Variants in PCDHGC4 observed in about 807,000 individuals in gnomAD.
PCDHGC4 encodes protocadherin gamma-C4.
A neutral mutation model predicts 59.7 loss-of-function variants in PCDHGC4; 15 were observed. The ratio of observed to expected loss-of-function variants is 0.25; its 90% CI spans 0.17 to 0.39. The LOEUF (loss-of-function observed/expected upper bound fraction) is 0.39. PCDHGC4 is among the 10% of genes least tolerant of loss of function. The probability of loss-of-function intolerance (pLI) is 1.00; values close to 1 mark genes in which losing one functional copy is unlikely to be tolerated. For missense variants in PCDHGC4, 1,016 were observed against 1,189.5 expected (o/e 0.85, Z 2.15); for synonymous variants, 434 against 481.4 (o/e 0.90, Z 1.29).
chr5:141,507,296 C>T (rs1020117646), intron 3 of PCDHGC4: 1 of 141,360 alleles, frequency 7.1e-6, no homozygotes, highest in Non-Finnish European at 1.5e-5. Flanking sequence ...TCAAATGTTG[C>T]ATGAGACATA....
chr5:141,498,093 G>T (rs975304630), intron 2 of PCDHGC4, among the ~76,000 whole-genome samples: 4 of 152,220 alleles, frequency 2.6e-5, no homozygotes, highest in Admixed American at 1.3e-4. Context: ...AATTGTATCT[G>T]GTGGTGTGGG....
Position 141,511,285 on chromosome 5 carries a change from G to C in PCDHGC4, c.*112G>C. On this transcript the variant is annotated 3_prime_UTR_variant, in exon 4 of 4. Coordinates refer to ENST00000306593, the MANE Select transcript of PCDHGC4 (RefSeq NM_018928.3). Reference sequence around the variant, plus strand: ...GGGCTAACCCCCAGAATACTGGTAGGGGCCAAGGCCATGCTCCCCTTGGGA... The same window carrying C: ...GGGCTAACCCCCAGAATACTGGTAGCGGCCAAGGCCATGCTCCCCTTGGGA... 1 of 1,521,904 alleles carries C rather than the reference G, an allele frequency of 6.6e-7. No homozygotes were observed. The highest frequency in any genetic ancestry group is 8.8e-7 in the Non-Finnish European group (1 of 1,131,664). 94.3% of individuals were successfully genotyped at this position (1,521,904 alleles called of 1,614,324 possible).
In PCDHGC4 at chr5:141,494,832, G is replaced by A. The variant is rs758427900; in HGVS notation, c.2468G>A (p.Arg823His). The A allele has an allele frequency of 1.2e-6, 2 of 1,614,066 alleles. No homozygotes were observed. Among genetic ancestry groups the A allele is most frequent in the Non-Finnish European group, 1.7e-6 (2 of 1,179,994 alleles). The change falls in exon 2 of 4, where the codon CGT (arginine) becomes CAT (histidine). Residue 823 changes from arginine (R) to histidine (H), a missense_variant. Transcript: ENST00000306593. ...CAAGCCCCGCCCAACACGGACTGGC[G>A]TTTCTCTCAGGCCCAGAGACCCGGC... ...LEQAPPNTDW[R>H]FSQAQRPGTS...
In PCDHGC4 at chr5:141,491,354, C is replaced by T. The variant is rs2099710960; in HGVS notation, c.2443-3453C>T. The T allele has an allele frequency of 6.2e-7, 1 of 1,614,166 alleles. No homozygotes were observed. Among genetic ancestry groups the T allele is most frequent in the South Asian group, 1.1e-5 (1 of 91,088 alleles). On this transcript the variant is annotated intron_variant, in intron 1 of 3. Coordinates refer to ENST00000306593, the MANE Select transcript of PCDHGC4 (RefSeq NM_018928.3). This position sits in a 1 kb window ranked among gnomAD's most constrained non-coding sequence, Gnocchi z 6.9. ...GCTCTAGCGACCGTCAGTCTCTTAT[C>T]CCTAGTCACCTTCACCTTTCTGTCA...
rs888457230 is a variant in PCDHGC4, at chr5:141,493,727, C to T, written c.2443-1080C>T. On this transcript the variant is annotated intron_variant, in intron 1 of 3. Transcript: ENST00000306593. This position sits in a 1 kb window ranked among gnomAD's most constrained non-coding sequence, Gnocchi z 4.3. ...TGGAATGCTAGGTTTCTGGGTTCTG[C>T]TCATATCACTGCCACCTGTGAGCCT... Among the ~76,000 whole-genome samples, 2 of 152,184 alleles carry T rather than the reference C, an allele frequency of 1.3e-5. No homozygotes were observed. Among genetic ancestry groups the T allele is most frequent in the Admixed American group, 6.5e-5 (1 of 15,280 alleles).
In PCDHGC4 at chr5:141,485,308, A is replaced by G; in HGVS notation, c.135A>G (p.Val45=). Residue 45 remains valine, a synonymous_variant, in exon 1 of 4, where the codon GTA becomes GTG. Coordinates refer to ENST00000306593, the MANE Select transcript of PCDHGC4 (RefSeq NM_018928.3). The surrounding 1 kb of genome is among the most constrained non-coding windows in gnomAD (Gnocchi z 5.7). ...AGGAGTCACAGGAAGGGACTTTTGTAGGGAATGTCGCTCAAGATTTCCTGC... is the reference window on the plus strand; with the variant it reads ...AGGAGTCACAGGAAGGGACTTTTGTGGGGAATGTCGCTCAAGATTTCCTGC... ...VPEESQEGTF[V]GNVAQDFLLD... 6.2e-7 allele frequency: 1 copy of G among 1,614,112 alleles called. No individual in the cohort carries two copies. The highest frequency in any genetic ancestry group is 8.5e-7 in the Non-Finnish European group (1 of 1,179,996).
Position 141,485,718 on chromosome 5 carries a change from T to A in PCDHGC4, c.545T>A (p.Val182Glu), listed in dbSNP as rs562192762. ...TCCAATGAACACTTTGCACTGGATG[T>A]GAAGAAGCGCAGCGACGGCAGCCTG... The part of the protein sequence containing the change: ...LSSNEHFALD[V>E]KKRSDGSLVP... The change falls in exon 1 of 4, where the codon GTG becomes GAG. Residue 182 changes from valine to glutamate, a missense_variant. By Grantham distance (121) the Val-to-Glu change is moderately radical. Coordinates refer to ENST00000306593, the MANE Select transcript of PCDHGC4 (RefSeq NM_018928.3). The surrounding 1 kb of genome is among the most constrained non-coding windows in gnomAD (Gnocchi z 5.7). 1 of 1,614,058 alleles carries A rather than the reference T, an allele frequency of 6.2e-7. No homozygotes were observed. The highest frequency in any genetic ancestry group is 2.2e-5 in the East Asian group (1 of 44,866).
rs1364068033 is a variant in PCDHGC4 at position 141,490,353 on chromosome 5, G to A, written c.2442+2738G>A. 3.1e-6 allele frequency: 5 copies of A among 1,614,090 alleles called. No individual in the cohort carries two copies. The highest frequency in any genetic ancestry group is 4.2e-6 in the Non-Finnish European group (5 of 1,180,046). On this transcript the variant is annotated intron_variant, in intron 1 of 3. Transcript: ENST00000306593. This position sits in a 1 kb window ranked among gnomAD's most constrained non-coding sequence, Gnocchi z 5.4. ...CACCAGTGGGCACAGTAGTGGGGTT[G>A]TTTAATGTGCGAGACCGGGACTCAG...
rs1562129544 is a variant in PCDHGC4 at position 141,489,362 on chromosome 5, C to G, written c.2442+1747C>G. ...TACTCAGTGGTGGAGGAGTCTGAGC[C>G]GGGGACGCTGGTGGGGAATGTTGCT... On this transcript the variant is annotated intron_variant, in intron 1 of 3. Transcript: ENST00000306593. This position sits in a 1 kb window ranked among gnomAD's most constrained non-coding sequence, Gnocchi z 4.5. 6.2e-7 allele frequency: 1 copy of G among 1,613,052 alleles called. No individual in the cohort carries two copies. Among genetic ancestry groups the G allele is most frequent in the Non-Finnish European group, 8.5e-7 (1 of 1,179,268 alleles).
chr5:141,492,919 C>A (rs1019663003), intron 1 of PCDHGC4, among the ~76,000 whole-genome samples: 1 of 152,192 alleles, frequency 6.6e-6, no homozygotes, highest in Non-Finnish European at 1.5e-5. Context: ...ATGTGCCCAG[C>A]GATCTAGGGT....
At chr5:141,496,011 T>G (rs1232125559) in intron 2 of PCDHGC4, among the ~76,000 whole-genome samples, 1 of 152,114 alleles carries the variant, frequency 6.6e-6, no homozygotes, top group African/African-American at 2.4e-5. Flanking sequence ...ATCTTGTCTT[T>G]TTTCTCTGAG....
rs2099718995 is a variant in PCDHGC4 at position 141,491,523 on chromosome 5, G to A, written c.2443-3284G>A. On this transcript the variant is annotated intron_variant, in intron 1 of 3. Transcript: ENST00000306593. This position sits in a 1 kb window ranked among gnomAD's most constrained non-coding sequence, Gnocchi z 6.9. ...CGGACGGCACGCTCAAGTACATGGAGGTGACGCTGCGGCCCACAGACTCGC... is the reference window on the plus strand; with the variant it reads ...CGGACGGCACGCTCAAGTACATGGAAGTGACGCTGCGGCCCACAGACTCGC... The A allele has an allele frequency of 3.1e-6, 5 of 1,613,954 alleles. No individual in the cohort carries two copies. The highest frequency in any genetic ancestry group is 3.4e-6 in the Non-Finnish European group (4 of 1,180,032).
rs1368451336 is a variant in PCDHGC4 at position 141,505,377 on chromosome 5, C to T, written c.2502-16C>T. ...CGGCCTGGGAGTCTGTGCTCACCAT[C>T]CTACTCTCTCCCCAGCTCCCAAAAT... On this transcript the variant is annotated splice_polypyrimidine_tract_variant and intron_variant, in intron 2 of 3. Transcript: ENST00000306593. The T allele has an allele frequency of 6.2e-7, 1 of 1,614,036 alleles. No individual in the cohort carries two copies. Among genetic ancestry groups the T allele is most frequent in the Non-Finnish European group, 8.5e-7 (1 of 1,179,954 alleles).
In PCDHGC4 at chr5:141,491,633, C is replaced by T; in HGVS notation, c.2443-3174C>T. Reference sequence around the variant, plus strand: ...CTAAGACCCCTCAGCGTTCAGCAGCCCACAGCTCTGGCGCTGGAGCCTGAC... The same window carrying T: ...CTAAGACCCCTCAGCGTTCAGCAGCTCACAGCTCTGGCGCTGGAGCCTGAC... On this transcript the variant is annotated intron_variant, in intron 1 of 3. Transcript: ENST00000306593. This position sits in a 1 kb window ranked among gnomAD's most constrained non-coding sequence, Gnocchi z 6.9. 2 of 1,613,916 alleles carry T rather than the reference C, an allele frequency of 1.2e-6. No homozygotes were observed.
In PCDHGC4 at chr5:141,510,932, CCT is replaced by C. The variant is rs753455267; in HGVS notation, c.2591-12_2591-11del. 6 of 1,613,998 alleles carry C rather than the reference CCT, an allele frequency of 3.7e-6. No homozygotes were observed. The highest frequency in any genetic ancestry group is 1.1e-5 in the South Asian group (1 of 91,082). ...CTAAGTTTAGCTCCCACCTGATCTTCCTCTGTCTCTGCAGAAGCTGCTGATGG... is the reference window on the plus strand; with the variant it reads ...CTAAGTTTAGCTCCCACCTGATCTTCCTGTCTCTGCAGAAGCTGCTGATGG... On this transcript the variant is annotated splice_polypyrimidine_tract_variant and intron_variant, in intron 3 of 3. Coordinates refer to ENST00000306593, the MANE Select transcript of PCDHGC4 (RefSeq NM_018928.3).
Position 141,491,623 on chromosome 5 carries a change from G to T in PCDHGC4, c.2443-3184G>T. 1 of 1,613,930 alleles carries T rather than the reference G, an allele frequency of 6.2e-7. No homozygotes were observed. The highest frequency in any genetic ancestry group is 1.1e-5 in the South Asian group (1 of 91,084). On this transcript the variant is annotated intron_variant, in intron 1 of 3. Transcript: ENST00000306593. This position sits in a 1 kb window ranked among gnomAD's most constrained non-coding sequence, Gnocchi z 6.9. ...CTTCACTTTTCTAAGACCCCTCAGC[G>T]TTCAGCAGCCCACAGCTCTGGCGCT...
Position 141,489,427 on chromosome 5 carries a change from C to A in PCDHGC4, c.2442+1812C>A. ...AAAGATGACAGATCTGTTGAGCCGG[C>A]GGCTGCAATTGGGCTCTGAGGAGAA... On this transcript the variant is annotated intron_variant, in intron 1 of 3. Coordinates refer to ENST00000306593, the MANE Select transcript of PCDHGC4 (RefSeq NM_018928.3). This position sits in a 1 kb window ranked among gnomAD's most constrained non-coding sequence, Gnocchi z 4.5. The A allele has an allele frequency of 6.2e-7, 1 of 1,614,108 alleles. No individual in the cohort carries two copies. The highest frequency in any genetic ancestry group is 1.1e-5 in the South Asian group (1 of 91,086).
Position 141,487,226 on chromosome 5 carries a change from G to A in PCDHGC4, c.2053G>A (p.Gly685Arg). ...TCGAGAATCTTCAGCTCCAAGGGAA[G>A]GAGAATCTCGTCTAACCCTCTACTT... is the stretch of plus-strand genomic sequence containing the variant. The part of the protein sequence containing the change: ...DLRESSAPRE[G>R]ESRLTLYLAV... Residue 685 changes from glycine to arginine, a missense_variant, in exon 1 of 4, where the codon GGA becomes AGA. Physicochemically the swap from Gly to Arg is moderately radical, Grantham distance 125. Transcript: ENST00000306593. This position sits in a 1 kb window ranked among gnomAD's most constrained non-coding sequence, Gnocchi z 5.0. The A allele has an allele frequency of 6.2e-7, 1 of 1,614,104 alleles. No individual in the cohort carries two copies. Among genetic ancestry groups the A allele is most frequent in the South Asian group, 1.1e-5 (1 of 91,074 alleles).
In PCDHGC4 at chr5:141,489,459, C is replaced by A; in HGVS notation, c.2442+1844C>A. ...AATTGGGCTCTGAGGAGAATGGGCG[C>A]TATTTTTCCCTGAGCTTGATGAGTG... On this transcript the variant is annotated intron_variant, in intron 1 of 3. Transcript: ENST00000306593. The surrounding 1 kb of genome is among the most constrained non-coding windows in gnomAD (Gnocchi z 4.5). 1 of 1,614,086 alleles carries A rather than the reference C, an allele frequency of 6.2e-7. No individual in the cohort carries two copies. The highest frequency in any genetic ancestry group is 8.5e-7 in the Non-Finnish European group (1 of 1,180,012).
Sources: allele counts gnomAD v4.1 joint callset (sites outside exome capture counted in the v4.1 genomes callset), GRCh38; gene constraint gnomAD v4.1.1; non-coding constraint Gnocchi (gnomAD v3.1); transcripts MANE v1.5; gene names NCBI Gene and HGNC (gene_info 2026-07-23, HGNC 2026-07-21).